Variants in CDH9 observed in about 807,000 individuals in gnomAD.
CDH9 encodes the protein cadherin-9.
Under a neutral mutation model 70.9 loss-of-function variants are expected in CDH9, and 28 were observed. The ratio of observed to expected loss-of-function variants is 0.40; its 90% CI spans 0.29 to 0.54. The LOEUF is 0.54. Among genes scored for constraint, CDH9 ranks in the 20% least tolerant of loss-of-function variants. The probability of loss-of-function intolerance (pLI) is 0.59; values close to 1 mark genes in which losing one functional copy is unlikely to be tolerated. For synonymous variants in CDH9, 409 were observed against 343.1 expected, an observed-to-expected ratio of 1.19 and a Z score of -2.12; for missense variants, 874 against 984.4, an observed-to-expected ratio of 0.89 and a Z score of 1.50.
chr5:27,000,325 A>C (rs573271461), intron 1 of CDH9, among the ~76,000 whole-genome samples: 1 of 152,292 alleles, frequency 6.6e-6, no homozygotes, highest in African/African-American at 2.4e-5. Flanking sequence ...TGACATACCT[A>C]TTATATCTGA....
intron 2 of CDH9, among the ~76,000 whole-genome samples, chr5:26,928,952 A>G (rs1482575454): frequency 6.6e-6 from 1 of 152,078 alleles, no homozygotes; most frequent in African/African-American, 2.4e-5. Context: ...GTTAAGCAAT[A>G]CACCATAAGC....
intron 1 of CDH9, among the ~76,000 whole-genome samples, chr5:26,992,729 T>C (rs958074008): frequency 6.6e-6 from 1 of 152,102 alleles, no homozygotes; most frequent in South Asian, 2.1e-4. Flanking sequence ...TATGAATAGA[T>C]CATTGAGGAT....
intron 1 of CDH9, among the ~76,000 whole-genome samples, chr5:27,032,338 A>G (rs1371244825): frequency 6.6e-6 from 1 of 151,654 alleles, no homozygotes; most frequent in South Asian, 2.1e-4. Flanking sequence ...TAAACTAAAC[A>G]AAAAAGACAG....
At chr5:27,029,781 G>T (rs1743279576) in intron 1 of CDH9, among the ~76,000 whole-genome samples, 1 of 151,926 alleles carries the variant, frequency 6.6e-6, no homozygotes, top group Admixed American at 6.6e-5. Flanking sequence ...GACTTCTCAA[G>T]GAATCTGCAC....
chr5:26,983,099 GAAC>G (rs375266248), intron 2 of CDH9, among the ~76,000 whole-genome samples: 4 of 152,040 alleles, frequency 2.6e-5, no homozygotes, highest in Admixed American at 6.6e-5. Flanking sequence ...GACATAGAGT[GAAC>G]AACAACAACA....
At chr5:26,893,583 T>G (rs570388532) in intron 7 of CDH9, among the ~76,000 whole-genome samples, 1 of 152,198 alleles carries the variant, frequency 6.6e-6, no homozygotes, top group South Asian at 2.1e-4. Context: ...TGCCCAAGAG[T>G]AGCCTATATT....
Position 26,906,005 on chromosome 5 carries a change from G to T in CDH9, c.765C>A (p.Asn255Lys). The T allele has an allele frequency of 6.2e-7, 1 of 1,613,708 alleles. No individual in the cohort carries two copies. Among genetic ancestry groups the T allele is most frequent in the Non-Finnish European group, 8.5e-7 (1 of 1,179,622 alleles). ...TGTTGTTGACATCTGTCAGCGTGAT[G>T]TTCACTGTGGTGGTTCCAGAAAGGC... ...MGGLSGTTTV[N>K]ITLTDVNNNP... Residue 255 changes from asparagine (N) to lysine (K), a missense_variant, in exon 5 of 12, where the codon AAC becomes AAA. By Grantham distance (94) the Asn-to-Lys change is moderately conservative (BLOSUM62 0). Transcript: ENST00000231021.
At chr5:26,961,555 C>T (rs1267292791) in intron 2 of CDH9, among the ~76,000 whole-genome samples, 1 of 152,050 alleles carries the variant, frequency 6.6e-6, no homozygotes, top group Non-Finnish European at 1.5e-5. Context: ...TCTTCATTAG[C>T]TAAACAAGCA....
intron 2 of CDH9, among the ~76,000 whole-genome samples, chr5:26,948,446 A>G (rs188880417): frequency 1.3e-3 from 191 of 152,310 alleles, no homozygotes; most frequent in Middle Eastern, 3.4e-3. Context: ...CAAGTCCCCA[A>G]AGACTGGGAT....
At chr5:26,908,148 C>T (rs535146451) in intron 3 of CDH9, among the ~76,000 whole-genome samples, 1 of 152,218 alleles carries the variant, frequency 6.6e-6, no homozygotes, top group East Asian at 1.9e-4. Context: ...TCTGTTTTCT[C>T]AACTGTGATG....
chr5:26,938,263 T>C (rs1191304171), intron 2 of CDH9, among the ~76,000 whole-genome samples: 1 of 151,396 alleles, frequency 6.6e-6, no homozygotes, highest in African/African-American at 2.4e-5. Context: ...GAGTGTATAT[T>C]TAAAAAGAAC....
intron 2 of CDH9, among the ~76,000 whole-genome samples, chr5:26,942,500 T>C (rs1322803054): frequency 1.3e-5 from 2 of 152,150 alleles, no homozygotes; most frequent in Non-Finnish European, 2.9e-5. Flanking sequence ...TCAACATCAG[T>C]TCTGAAGAGG....
intron 2 of CDH9, among the ~76,000 whole-genome samples, chr5:26,943,016 G>A (rs1424708019): frequency 6.6e-6 from 1 of 152,138 alleles, no homozygotes; most frequent in Non-Finnish European, 1.5e-5. Context: ...TAATTATCCT[G>A]TTATATGGGA....
At chr5:26,912,696 A>C (rs1045292905) in intron 3 of CDH9, among the ~76,000 whole-genome samples, 8 of 152,106 alleles carry the variant, frequency 5.3e-5, no homozygotes, top group African/African-American at 1.9e-4. Flanking sequence ...TAGATTTTGA[A>C]TAATAAATAA....
At chr5:27,012,404 C>A (rs1407543938) in intron 1 of CDH9, among the ~76,000 whole-genome samples, 1 of 151,830 alleles carries the variant, frequency 6.6e-6, no homozygotes, top group African/African-American at 2.4e-5. Context: ...TTTTAAAAAT[C>A]TCTTTTCTTC....
chr5:27,033,687 G>A (rs114666778), intron 1 of CDH9, among the ~76,000 whole-genome samples: 1,912 of 151,316 alleles, frequency 0.013, 60 homozygotes, highest in African/African-American at 0.044. Flanking sequence ...ATATTGTGAA[G>A]CATTTATAAC....
chr5:26,910,784 C>T (rs572426176), intron 3 of CDH9, among the ~76,000 whole-genome samples: 20 of 152,298 alleles, frequency 1.3e-4, no homozygotes, highest in African/African-American at 4.8e-4. Flanking sequence ...CGAGTTTAGT[C>T]TTCACACCTC....
chr5:26,938,806 A>G (rs1332671676), intron 2 of CDH9, among the ~76,000 whole-genome samples: 1 of 152,120 alleles, frequency 6.6e-6, no homozygotes, highest in Non-Finnish European at 1.5e-5. Context: ...AGCAACTTGT[A>G]TGTTCTGAAA....
chr5:27,030,184 T>C (rs1484952545), intron 1 of CDH9, among the ~76,000 whole-genome samples: 1 of 151,960 alleles, frequency 6.6e-6, no homozygotes, highest in Non-Finnish European at 1.5e-5. Context: ...TATCTCTTCT[T>C]CGTGAATTGT....
Sources: allele counts gnomAD v4.1 joint callset (sites outside exome capture counted in the v4.1 genomes callset), GRCh38; gene constraint gnomAD v4.1.1; transcripts MANE v1.5; gene names NCBI Gene and HGNC (gene_info 2026-07-23, HGNC 2026-07-21).